CAMTA1: variants seen among roughly 807,000 people sequenced by gnomAD.
CAMTA1 encodes calmodulin-binding transcription activator 1.
In CAMTA1, 27 loss-of-function variants were observed where a neutral mutation model predicts 170.9. The observed-to-expected ratio is 0.16, with a 90% CI of 0.12 to 0.22. The LOEUF is 0.22. Ranked by LOEUF, CAMTA1 falls within the 10% of genes least tolerant of loss-of-function variation. The pLI is 1.00. For missense variants in CAMTA1, 1,619 were observed against 2,217.2 expected, an observed-to-expected ratio of 0.73 and a Z score of 5.42; for synonymous variants, 833 against 891.5, an observed-to-expected ratio of 0.93 and a Z score of 1.17.
At chr1:7,417,729 T>C (rs943254277) in intron 5 of CAMTA1, among the ~76,000 whole-genome samples, 4 of 152,204 alleles carry the variant, frequency 2.6e-5, no homozygotes, top group Admixed American at 1.3e-4. Flanking sequence ...ACTTCCCGAG[T>C]GAGGCAATGC....
intron 5 of CAMTA1, among the ~76,000 whole-genome samples, chr1:7,366,843 G>A (rs1470960358): frequency 1.3e-5 from 2 of 152,198 alleles, no homozygotes; most frequent in Non-Finnish European, 2.9e-5. Flanking sequence ...GGACAAGGGG[G>A]AGCAGCCGAT....
intron 5 of CAMTA1, among the ~76,000 whole-genome samples, chr1:7,312,317 C>A (rs114469179): frequency 0.015 from 2,285 of 151,486 alleles, 19 homozygotes; most frequent in African/African-American, 0.024. Flanking sequence ...AAAAAAAAAA[C>A]AAAAAACGGG....
At chr1:7,030,207 A>G (rs1702595347) in intron 3 of CAMTA1, among the ~76,000 whole-genome samples, 1 of 152,228 alleles carries the variant, frequency 6.6e-6, no homozygotes, top group Non-Finnish European at 1.5e-5. Flanking sequence ...ATAAAAAGAC[A>G]AAAATAGTAT....
chr1:7,586,408 A>C (rs746419189), intron 6 of CAMTA1, among the ~76,000 whole-genome samples: 2 of 152,152 alleles, frequency 1.3e-5, no homozygotes, highest in Non-Finnish European at 2.9e-5. Flanking sequence ...GCTGCAAGCC[A>C]AGGGCACTCT....
intron 5 of CAMTA1, among the ~76,000 whole-genome samples, chr1:7,372,782 C>G (rs539566664): frequency 2.1e-4 from 32 of 152,326 alleles, no homozygotes; most frequent in African/African-American, 7.2e-4. Flanking sequence ...AGACACGTGG[C>G]TTCCGGTTGC....
At chr1:7,310,704 T>TCTC (rs748448606) in intron 5 of CAMTA1, among the ~76,000 whole-genome samples, 356 of 34,722 alleles carry the variant, frequency 0.01, 5 homozygotes, top group East Asian at 0.035. Flanking sequence ...CTCTCTCTCT[T>TCTC]TCTTTCTTTC....
chr1:7,000,496 T>G (rs900143286), intron 3 of CAMTA1, among the ~76,000 whole-genome samples: 1 of 152,180 alleles, frequency 6.6e-6, no homozygotes, highest in Non-Finnish European at 1.5e-5. Flanking sequence ...GCATGTCTTA[T>G]GGAGCGGGGC....
intron 5 of CAMTA1, among the ~76,000 whole-genome samples, chr1:7,444,940 C>T (rs865993385): frequency 3.7e-4 from 56 of 152,044 alleles, no homozygotes; most frequent in Admixed American, 1.4e-3. Context: ...TCCTGCTTCC[C>T]GTAAAATTTG....
chr1:7,680,811 G>GGC lies in CAMTA1; in HGVS notation c.2914+3079_2914+3080insCG, dbSNP rs1553246996. Among the ~76,000 whole-genome samples, 2,090 of 111,962 alleles carry GGC rather than the reference G, an allele frequency of 0.019. 48 individuals carry two copies. The highest frequency in any genetic ancestry group is 0.063 in the African/African-American group (1,965 of 31,316). 73.5% of individuals were successfully genotyped at this position (111,962 alleles called of 152,430 possible). On this transcript the variant is annotated intron_variant, in intron 11 of 22. Transcript: ENST00000303635. This position sits in a 1 kb window ranked among gnomAD's most constrained non-coding sequence, Gnocchi z 4.4. ...AATTTGTTTGCTTGGCTAAAGGCCG[G>GGC]GGGGGGGCGTGGGTCCGGGGCGCAG... is the stretch of plus-strand genomic sequence containing the variant.
At chr1:6,978,975 A>G (rs1480352701) in intron 3 of CAMTA1, among the ~76,000 whole-genome samples, 1 of 152,150 alleles carries the variant, frequency 6.6e-6, no homozygotes, top group Non-Finnish European at 1.5e-5. Context: ...ACAGGCAGGT[A>G]TTAGCCTGGG....
At chr1:7,214,662 G>A (rs1009866912) in intron 4 of CAMTA1, among the ~76,000 whole-genome samples, 2 of 151,972 alleles carry the variant, frequency 1.3e-5, no homozygotes, top group African/African-American at 4.8e-5. Flanking sequence ...CACTGTGCCC[G>A]GCCCAAAGAT....
chr1:7,707,321 T>C (rs1416589594), intron 11 of CAMTA1, among the ~76,000 whole-genome samples: 1 of 152,168 alleles, frequency 6.6e-6, no homozygotes, highest in African/African-American at 2.4e-5. Flanking sequence ...ATTTACTTAA[T>C]ATGAGAAAGA....
At chr1:6,807,876 C>G (rs1644707015) in intron 1 of CAMTA1, among the ~76,000 whole-genome samples, 1 of 151,912 alleles carries the variant, frequency 6.6e-6, no homozygotes, top group Non-Finnish European at 1.5e-5. Flanking sequence ...CTGTCAGGGA[C>G]AGAGTCTGTA....
Position 7,315,199 on chromosome 1 carries a change from G to T in CAMTA1, c.438+65573G>T, listed in dbSNP as rs140232565. On this transcript the variant is annotated intron_variant, in intron 5 of 22. Coordinates refer to ENST00000303635, the MANE Select transcript of CAMTA1 (RefSeq NM_015215.4). ...CAGGGTTCATGTTGAATCTACCCAC[G>T]CACCTTAGGACTTTGTGCAGCTGGA... Among the ~76,000 whole-genome samples, 1,371 of 152,302 alleles carry T rather than the reference G, an allele frequency of 9.0e-3. 23 individuals carry two copies. Among genetic ancestry groups the T allele is most frequent in the African/African-American group, 0.03 (1,265 of 41,562 alleles).
At chr1:7,159,722 T>A (rs916985426) in intron 4 of CAMTA1, among the ~76,000 whole-genome samples, 31 of 151,768 alleles carry the variant, frequency 2.0e-4, no homozygotes, top group South Asian at 6.2e-4. Flanking sequence ...TAAAAAAAAT[T>A]TTTTTTGTAG....
chr1:6,805,420 G>A (rs1187912167), intron 1 of CAMTA1, among the ~76,000 whole-genome samples: 1 of 152,196 alleles, frequency 6.6e-6, no homozygotes, highest in Admixed American at 6.5e-5. Context: ...ATGTGTTCTA[G>A]ATATCAGTCC....
In CAMTA1 at chr1:7,680,858, G is replaced by GCGCA. The variant is rs2096191053; in HGVS notation, c.2914+3128_2914+3129insACGC. Reference sequence around the variant, plus strand: ...GCAGAGAACACGCGCGCGCGCGCGCGCGCCAGCAGCAGCAGCAGCAGCAGC... The same window carrying GCGCA: ...GCAGAGAACACGCGCGCGCGCGCGCGCGCACGCCAGCAGCAGCAGCAGCAGCAGC... On this transcript the variant is annotated intron_variant, in intron 11 of 22. Transcript: ENST00000303635. This position sits in a 1 kb window ranked among gnomAD's most constrained non-coding sequence, Gnocchi z 4.4. Among the ~76,000 whole-genome samples, 3 of 81,846 alleles carry GCGCA rather than the reference G, an allele frequency of 3.7e-5. No individual in the cohort carries two copies. The highest frequency in any genetic ancestry group is 1.3e-4 in the African/African-American group (3 of 23,360). The allele number at this position is 81,846 out of a possible 152,430, so 53.7% of individuals were successfully genotyped here. A position where few individuals can be genotyped will look rare whatever the true frequency, so the allele number is the denominator to read the frequency against.
intron 7 of CAMTA1, among the ~76,000 whole-genome samples, chr1:7,648,747 G>T (rs767407035): frequency 3.9e-5 from 6 of 152,230 alleles, no homozygotes; most frequent in Non-Finnish European, 2.9e-5. Context: ...TTCCCCCTCA[G>T]AACCACCTGG....
intron 3 of CAMTA1, among the ~76,000 whole-genome samples, chr1:7,046,384 C>T (rs556639281): frequency 6.6e-6 from 1 of 152,198 alleles, no homozygotes; most frequent in African/African-American, 2.4e-5. Context: ...CAGAGAACTC[C>T]CAAAGGGTCT....
Sources: allele counts gnomAD v4.1 joint callset (sites outside exome capture counted in the v4.1 genomes callset), GRCh38; gene constraint gnomAD v4.1.1; non-coding constraint Gnocchi (gnomAD v3.1); transcripts MANE v1.5; gene names NCBI Gene and HGNC (gene_info 2026-07-23, HGNC 2026-07-21).